PTGR2: variants seen among roughly 807,000 people sequenced by gnomAD.
PTGR2 encodes the protein prostaglandin reductase 2.
PTGR2 carries 32 observed loss-of-function variants against 43.4 expected under a neutral mutation model. That is an observed-to-expected ratio of 0.74 (90% CI 0.56 to 0.99). The LOEUF (loss-of-function observed/expected upper bound fraction) is 0.99. Ranked by LOEUF, PTGR2 falls within the 50% of genes least tolerant of loss-of-function variation. The pLI, the probability that PTGR2 is intolerant of heterozygous loss-of-function variation, is 0.00. For synonymous variants in PTGR2, 106 were observed against 139.2 expected (o/e 0.76, Z 1.68); for missense variants, 373 against 420.0 (o/e 0.89, Z 0.98).
intron 3 of PTGR2, 59 bp from the exon 4 acceptor site, chr14:73,873,964 A>G (rs2093456698): frequency 1.5e-6 from 2 of 1,331,806 alleles, no homozygotes; most frequent in African/African-American, 2.9e-5. Context: ...TCATTGGGTA[A>G]ATTAGTAGAG....
chr14:73,859,601 A>C (rs2054438077), intron 2 of PTGR2, among the ~76,000 whole-genome samples: 3 of 151,566 alleles, frequency 2.0e-5, no homozygotes, highest in Admixed American at 1.3e-4. Context: ...TATTCGTTTA[A>C]GTTTCTATAA....
intron 4 of PTGR2, 50 bp from the exon 5 acceptor site, chr14:73,876,948 C>A: frequency 7.0e-7 from 1 of 1,436,860 alleles, no homozygotes; most frequent in Non-Finnish European, 9.6e-7. Context: ...ACTTTGTTGT[C>A]TCAAAACAGG....
chr14:73,870,210 T>TTC (rs1193721470), intron 3 of PTGR2, among the ~76,000 whole-genome samples: 2 of 151,422 alleles, frequency 1.3e-5, no homozygotes, highest in Non-Finnish European at 3.0e-5. Context: ...TTTTTTTTTT[T>TTC]TGAGATAGAG....
intron 1 of PTGR2, among the ~76,000 whole-genome samples, chr14:73,852,500 C>T (rs2270072): frequency 0.49 from 73,873 of 151,994 alleles, 18,240 homozygotes; most frequent in South Asian, 0.61. Context: ...ATCTGCCTGC[C>T]TCGGCCTCTC....
At chr14:73,871,341 C>CTTTTTTTT (rs869073652) in intron 3 of PTGR2, among the ~76,000 whole-genome samples, 11 of 67,826 alleles carry the variant, frequency 1.6e-4, no homozygotes, top group African/African-American at 4.2e-4. Context: ...GGCTGTTCAT[C>CTTTTTTTT]TTTTTTTTTT....
intron 3 of PTGR2, among the ~76,000 whole-genome samples, chr14:73,870,162 A>G (rs1326240355): frequency 2.0e-5 from 3 of 151,402 alleles, no homozygotes; most frequent in Non-Finnish European, 4.4e-5. Flanking sequence ...GCAAGACCCC[A>G]ACTCTAAAAA....
intron 7 of PTGR2, among the ~76,000 whole-genome samples, chr14:73,880,592 A>C (rs912555408): frequency 3.1e-5 from 4 of 129,848 alleles, no homozygotes; most frequent in African/African-American, 1.0e-4. Context: ...AAAAACAAAA[A>C]AAAAAAAACA....
intron 3 of PTGR2, among the ~76,000 whole-genome samples, chr14:73,862,029 C>T (rs949328948): frequency 3.3e-5 from 5 of 151,658 alleles, no homozygotes; most frequent in East Asian, 3.9e-4. Flanking sequence ...AGTCGTACAC[C>T]ACCACACCCA....
chr14:73,876,891 A>G, intron 4 of PTGR2, 107 bp from the exon 5 acceptor site: 1 of 740,614 alleles, frequency 1.4e-6, no homozygotes, highest in South Asian at 2.0e-5. Context: ...GGGCTTTACT[A>G]TATAAATGTT....
chr14:73,879,578 T>C, intron 6 of PTGR2: 1 of 384,452 alleles, frequency 2.6e-6, no homozygotes, highest in Admixed American at 4.4e-5. Context: ...TACAGTTGCA[T>C]TGTTGAAATG....
At chr14:73,871,574 C>T (rs2054734614) in intron 3 of PTGR2, among the ~76,000 whole-genome samples, 1 of 151,840 alleles carries the variant, frequency 6.6e-6, no homozygotes, top group Non-Finnish European at 1.5e-5. Context: ...GAAGCACAGA[C>T]CATAACCTAG....
chr14:73,883,573 C>T (rs1429787147), intron 9 of PTGR2, among the ~76,000 whole-genome samples: 2 of 151,914 alleles, frequency 1.3e-5, no homozygotes, highest in Admixed American at 6.6e-5. Flanking sequence ...GCAGCCTCTA[C>T]CTCCCAGGTT....
At chr14:73,883,532 C>A (rs1007654644) in intron 9 of PTGR2, among the ~76,000 whole-genome samples, 1 of 151,660 alleles carries the variant, frequency 6.6e-6, no homozygotes, top group African/African-American at 2.4e-5. Flanking sequence ...GTCACCCGGG[C>A]TGGAGTGCAG....
chr14:73,861,790 C>G (rs2054497017), intron 3 of PTGR2: 1 of 151,920 alleles, frequency 6.6e-6, no homozygotes, highest in Non-Finnish European at 1.5e-5. Flanking sequence ...GAAATTGGCC[C>G]CATGTGTCTG....
chr14:73,866,563 G>A (rs2054600192), intron 3 of PTGR2, among the ~76,000 whole-genome samples: 1 of 152,174 alleles, frequency 6.6e-6, no homozygotes, highest in South Asian at 2.1e-4. Flanking sequence ...ATTGCTTTGA[G>A]TCTGTAGATC....
At chr14:73,871,341 C>CTTTTTTTTTTTTTTTTTTTTTTTT (rs869073652) in intron 3 of PTGR2, among the ~76,000 whole-genome samples, 19 of 67,864 alleles carry the variant, frequency 2.8e-4, no homozygotes, top group African/African-American at 4.2e-4. Flanking sequence ...GGCTGTTCAT[C>CTTTTTTTTTTTTTTTTTTTTTTTT]TTTTTTTTTT....
chr14:73,855,523 C>T (rs1032412702), intron 1 of PTGR2, among the ~76,000 whole-genome samples: 9 of 151,782 alleles, frequency 5.9e-5, no homozygotes, highest in South Asian at 2.1e-4. Flanking sequence ...CTCGGCTCAC[C>T]GCAACCTCCA....
At chr14:73,877,295 A>G in intron 5 of PTGR2, 127 bp downstream of exon 5, 1 of 876,190 alleles carries the variant, frequency 1.1e-6, no homozygotes, top group Non-Finnish European at 1.7e-6. Flanking sequence ...TTCTTTTTTG[A>G]GACAGAGTCT....
intron 3 of PTGR2, among the ~76,000 whole-genome samples, chr14:73,865,634 T>G (rs2054582143): frequency 6.6e-6 from 1 of 152,158 alleles, no homozygotes; most frequent in Non-Finnish European, 1.5e-5. Flanking sequence ...GCTCAAGTGA[T>G]TCTCCTGTCT....
Sources: gnomAD v4.1 joint callset for allele counts (sites outside exome capture counted in the v4.1 genomes callset) on GRCh38, gnomAD v4.1.1 for gene constraint, MANE v1.5 for transcripts, NCBI Gene and HGNC (gene_info 2026-07-23, HGNC 2026-07-21) for gene names.